SLC39A11: variants seen among roughly 807,000 people sequenced by gnomAD.
The protein encoded by SLC39A11 is zinc transporter ZIP11.
A neutral mutation model predicts 36.1 loss-of-function variants in SLC39A11; 33 were observed. The ratio of observed to expected loss-of-function variants is 0.91; its 90% CI spans 0.69 to 1.22. SLC39A11 has a LOEUF of 1.22. SLC39A11 is among the 50% of genes most tolerant of loss of function. The pLI is 0.00. For synonymous variants in SLC39A11, 166 were observed against 170.3 expected, an observed-to-expected ratio of 0.97 and a Z score of 0.20; for missense variants, 432 against 430.3, an observed-to-expected ratio of 1.00 and a Z score of -0.03.
chr17:72,891,380 A>T (rs1170115378), intron 5 of SLC39A11, among the ~76,000 whole-genome samples: 2 of 152,066 alleles, frequency 1.3e-5, no homozygotes, highest in East Asian at 3.9e-4. Context: ...TCCTGCCTGG[A>T]CGCCCCTGCC....
At chr17:72,913,444 T>C (rs2083140949) in intron 5 of SLC39A11, among the ~76,000 whole-genome samples, 1 of 152,076 alleles carries the variant, frequency 6.6e-6, no homozygotes, top group South Asian at 2.1e-4. Context: ...AAAATCAAGA[T>C]ACATTTTTGG....
chr17:73,031,856 A>C, intron 3 of SLC39A11, 142 bp from the exon 4 acceptor site: 1 of 834,138 alleles, frequency 1.2e-6, no homozygotes, highest in Non-Finnish European at 1.8e-6. Flanking sequence ...GGGAGGTACT[A>C]TCAGAAACCA....
chr17:72,888,261 A>T (rs2081538444), intron 5 of SLC39A11, among the ~76,000 whole-genome samples: 1 of 152,242 alleles, frequency 6.6e-6, no homozygotes, highest in Non-Finnish European at 1.5e-5. Flanking sequence ...AGAAGCTTGA[A>T]GATGTAAAAT....
intron 4 of SLC39A11, among the ~76,000 whole-genome samples, chr17:72,989,571 G>A (rs955830972): frequency 3.9e-5 from 6 of 152,104 alleles, no homozygotes; most frequent in South Asian, 2.1e-4. Flanking sequence ...GGCATCTACC[G>A]TTCCAAGAAA....
intron 5 of SLC39A11, among the ~76,000 whole-genome samples, chr17:72,900,054 A>AGAGAAAG (rs2082257718): frequency 7.1e-6 from 1 of 141,268 alleles, no homozygotes; most frequent in Non-Finnish European, 1.6e-5. Flanking sequence ...GAGAAAGAGA[A>AGAGAAAG]AGAAAGAAAG....
At chr17:72,827,600 C>T (rs763248416) in intron 6 of SLC39A11, among the ~76,000 whole-genome samples, 7 of 152,102 alleles carry the variant, frequency 4.6e-5, no homozygotes, top group African/African-American at 1.2e-4. Flanking sequence ...TGGGGAGACA[C>T]CAGGAAGGCT....
At chr17:72,873,138 T>C (rs1279785203) in intron 5 of SLC39A11, among the ~76,000 whole-genome samples, 2 of 152,162 alleles carry the variant, frequency 1.3e-5, no homozygotes, top group Middle Eastern at 3.4e-3. Context: ...ACCTCCCCAG[T>C]TGCTCCTATT....
intron 4 of SLC39A11, among the ~76,000 whole-genome samples, chr17:72,952,028 A>G (rs1162692828): frequency 6.6e-6 from 1 of 152,116 alleles, no homozygotes; most frequent in Non-Finnish European, 1.5e-5. Flanking sequence ...AAAGCTAGAC[A>G]GAGATCCGTT....
At chr17:72,967,011 G>T (rs544898766) in intron 4 of SLC39A11, among the ~76,000 whole-genome samples, 1 of 152,126 alleles carries the variant, frequency 6.6e-6, no homozygotes, top group South Asian at 2.1e-4. Context: ...TAGGTTGCGC[G>T]TTCCTTATGA....
intron 6 of SLC39A11, among the ~76,000 whole-genome samples, chr17:72,830,593 C>G (rs1196256648): frequency 2.6e-5 from 4 of 152,166 alleles, no homozygotes; most frequent in African/African-American, 4.8e-5. Flanking sequence ...CAGGCACCAT[C>G]CCCTGTCTCT....
At chr17:72,699,263 T>C (rs915741592) in intron 7 of SLC39A11, among the ~76,000 whole-genome samples, 15 of 152,228 alleles carry the variant, frequency 9.9e-5, no homozygotes, top group African/African-American at 3.4e-4. Flanking sequence ...CTAAGGCAGC[T>C]GATGAGCTAA....
chr17:72,648,685 G>A, intron 9 of SLC39A11, 118 bp downstream of exon 9: 1 of 1,232,544 alleles, frequency 8.1e-7, no homozygotes, highest in African/African-American at 1.5e-5. Context: ...TCTTGGGAAG[G>A]GGCAGAGAGG....
chr17:72,823,186 A>G (rs185485074), intron 6 of SLC39A11, among the ~76,000 whole-genome samples: 1 of 151,332 alleles, frequency 6.6e-6, no homozygotes, highest in East Asian at 1.9e-4. Flanking sequence ...TGTGGATGAA[A>G]ACTACTTTCA....
At chr17:73,007,123 T>C (rs149726788) in intron 4 of SLC39A11, among the ~76,000 whole-genome samples, 166 of 151,766 alleles carry the variant, frequency 1.1e-3, no homozygotes, top group African/African-American at 3.8e-3. Flanking sequence ...CACAGAGAGA[T>C]TCAAAACCAA....
At chr17:72,903,311 AG>A (rs1390433623) in intron 5 of SLC39A11, among the ~76,000 whole-genome samples, 8 of 152,096 alleles carry the variant, frequency 5.3e-5, no homozygotes, top group Non-Finnish European at 1.2e-4. Flanking sequence ...AAAATAAACA[AG>A]AAAGGGCCAA....
chr17:72,752,945 T>G (rs780789262), intron 6 of SLC39A11, among the ~76,000 whole-genome samples: 8 of 152,158 alleles, frequency 5.3e-5, no homozygotes, highest in African/African-American at 1.2e-4. Flanking sequence ...AGCCTTGACC[T>G]CCTGGGCCCA....
intron 5 of SLC39A11, among the ~76,000 whole-genome samples, chr17:72,918,025 A>G (rs1164034579): frequency 2.0e-5 from 3 of 152,216 alleles, no homozygotes; most frequent in African/African-American, 4.8e-5. Context: ...CCAGGGTGCA[A>G]CCTAACGAGC....
chr17:72,753,198 T>A (rs1186907303), intron 6 of SLC39A11, among the ~76,000 whole-genome samples: 1 of 152,184 alleles, frequency 6.6e-6, no homozygotes, highest in African/African-American at 2.4e-5. Flanking sequence ...AGTGGGGTAT[T>A]TTCTCCATTC....
intron 4 of SLC39A11, among the ~76,000 whole-genome samples, chr17:72,965,516 C>G (rs902908558): frequency 7.9e-5 from 12 of 152,182 alleles, no homozygotes; most frequent in African/African-American, 2.7e-4. Context: ...TTATTATAAA[C>G]TAGGCTTTGT....
Sources: allele counts gnomAD v4.1 joint callset (sites outside exome capture counted in the v4.1 genomes callset), GRCh38; gene constraint gnomAD v4.1.1; transcripts MANE v1.5; gene names NCBI Gene and HGNC (gene_info 2026-07-23, HGNC 2026-07-21).